USP32: variants seen among roughly 807,000 people sequenced by gnomAD.
USP32 encodes ubiquitin specific peptidase 32.
In USP32, 59 loss-of-function variants were observed where a neutral mutation model predicts 204.8. That is an observed-to-expected ratio of 0.29 (90% CI 0.23 to 0.36). The LOEUF (loss-of-function observed/expected upper bound fraction) is 0.36, where lower values mean the gene tolerates loss of function less well. Among genes scored for constraint, USP32 ranks in the 10% least tolerant of loss-of-function variants. The probability of loss-of-function intolerance (pLI) is 1.00; values close to 1 mark genes in which losing one functional copy is unlikely to be tolerated. For synonymous variants in USP32, 517 were observed against 678.4 expected, an observed-to-expected ratio of 0.76 and a Z score of 3.70; for missense variants, 1,160 against 1,946.4, an observed-to-expected ratio of 0.60 and a Z score of 7.60.
At chr17:60,369,613 T>A (rs1021959979) in intron 1 of USP32, among the ~76,000 whole-genome samples, 1 of 152,080 alleles carries the variant, frequency 6.6e-6, no homozygotes, top group African/African-American at 2.4e-5. Flanking sequence ...ATCTGACATA[T>A]ACAAAATTTT....
At chr17:60,356,903 AC>A (rs1403813756) in intron 1 of USP32, among the ~76,000 whole-genome samples, 2 of 152,306 alleles carry the variant, frequency 1.3e-5, no homozygotes, top group Admixed American at 6.5e-5. Flanking sequence ...AGAAAAAAAA[AC>A]ATGCCTAATG....
intron 9 of USP32, among the ~76,000 whole-genome samples, chr17:60,261,711 G>A (rs558225700): frequency 6.6e-6 from 1 of 152,158 alleles, no homozygotes; most frequent in East Asian, 1.9e-4. Context: ...AATTTGATAT[G>A]TGTGATAAAT....
chr17:60,234,253 A>G (rs1401589844), intron 12 of USP32, among the ~76,000 whole-genome samples: 1 of 151,102 alleles, frequency 6.6e-6, no homozygotes, highest in East Asian at 2.0e-4. Context: ...AGCTGGGACC[A>G]TAGGCGCCTG....
At chr17:60,352,952 T>C (rs1408240967) in intron 1 of USP32, among the ~76,000 whole-genome samples, 2 of 152,208 alleles carry the variant, frequency 1.3e-5, no homozygotes, top group African/African-American at 2.4e-5. Context: ...TGTCTGCCTG[T>C]TTCTAAGATA....
At chr17:60,233,214 C>T (rs1392974409) in intron 12 of USP32, among the ~76,000 whole-genome samples, 1 of 152,148 alleles carries the variant, frequency 6.6e-6, no homozygotes, top group African/African-American at 2.4e-5. Context: ...GCCTGTAATC[C>T]TAGCACTCTG....
intron 2 of USP32, among the ~76,000 whole-genome samples, chr17:60,306,377 C>A (rs1019105105): frequency 4.6e-5 from 7 of 152,160 alleles, no homozygotes; most frequent in Non-Finnish European, 1.0e-4. Context: ...GTGGCTCATG[C>A]CTGTAATCCC....
intron 30 of USP32, among the ~76,000 whole-genome samples, chr17:60,185,249 C>T (rs1263896670): frequency 6.6e-6 from 1 of 152,208 alleles, no homozygotes; most frequent in Non-Finnish European, 1.5e-5. Context: ...GATTGATCTT[C>T]TAGGTTATAA....
At chr17:60,360,487 C>T (rs185676381) in intron 1 of USP32, among the ~76,000 whole-genome samples, 108 of 151,748 alleles carry the variant, frequency 7.1e-4, no homozygotes, top group African/African-American at 2.5e-3. Flanking sequence ...GGAGAAACCC[C>T]GTATCTACTA....
chr17:60,408,799 C>CT (rs1489251973), intron 1 of USP32, among the ~76,000 whole-genome samples: 1 of 152,034 alleles, frequency 6.6e-6, no homozygotes, highest in Non-Finnish European at 1.5e-5. Flanking sequence ...TAGGGGGAAT[C>CT]TAAGTGCTCA....
chr17:60,308,318 C>T (rs938413116), intron 2 of USP32, among the ~76,000 whole-genome samples: 2 of 152,136 alleles, frequency 1.3e-5, no homozygotes, highest in Non-Finnish European at 2.9e-5. Context: ...AACAGTCACC[C>T]CTAGATGCTG....
intron 2 of USP32, among the ~76,000 whole-genome samples, chr17:60,308,820 C>A (rs1287584755): frequency 1.3e-5 from 2 of 152,098 alleles, no homozygotes; most frequent in African/African-American, 2.4e-5. Context: ...CCCAGCTACT[C>A]AGGAGGCTGA....
intron 30 of USP32, 104 bp from the exon 31 acceptor site, chr17:60,183,557 A>C: frequency 7.1e-7 from 1 of 1,413,866 alleles, no homozygotes; most frequent in Non-Finnish European, 9.6e-7. Context: ...GGGAATATAT[A>C]ACAGAACATT....
In USP32 at chr17:60,284,776, C is replaced by G. The variant is rs2087067390; in HGVS notation, c.571+3747G>C. On this transcript the variant is annotated intron_variant, in intron 5 of 33. Transcript: ENST00000300896. ...TTTTTAGGTTCCTCTAAGCTCACTT[C>G]TACTAAGTTTCATTCTTGGTTCCCT... Among the ~76,000 whole-genome samples, 7 of 152,178 alleles carry G rather than the reference C, an allele frequency of 4.6e-5. No individual in the cohort carries two copies. In the South Asian group the frequency reaches 1.4e-3, roughly 31 times the overall value.
chr17:60,369,794 G>C (rs998437222), intron 1 of USP32, among the ~76,000 whole-genome samples: 3 of 151,574 alleles, frequency 2.0e-5, no homozygotes, highest in African/African-American at 7.3e-5. Context: ...CCAGGCTGGA[G>C]TGCAGTAATC....
chr17:60,294,823 T>C, intron 3 of USP32, 22 bp from the exon 4 acceptor site: 1 of 1,519,428 alleles, frequency 6.6e-7, no homozygotes, highest in East Asian at 2.3e-5. Context: ...AAAGATAGAA[T>C]AAATTAATCT....
chr17:60,212,752 T>C (rs28477674), intron 18 of USP32, among the ~76,000 whole-genome samples: 9,143 of 150,288 alleles, frequency 0.061, 944 homozygotes, highest in African/African-American at 0.22. Flanking sequence ...GTCAGAGTAA[T>C]TTATTCCTTT....
chr17:60,355,860 A>AG (rs893731043), intron 1 of USP32, among the ~76,000 whole-genome samples: 2 of 149,652 alleles, frequency 1.3e-5, no homozygotes, highest in African/African-American at 5.0e-5. Flanking sequence ...AGAGAAAGAA[A>AG]AAAAAAAAAG....
At chr17:60,322,663 A>C (rs2088142140) in intron 2 of USP32, among the ~76,000 whole-genome samples, 2 of 152,184 alleles carry the variant, frequency 1.3e-5, no homozygotes, top group South Asian at 4.1e-4. Context: ...CTAGACTTGG[A>C]GTTACATTTA....
At chr17:60,359,988 C>G (rs1316468430) in intron 1 of USP32, among the ~76,000 whole-genome samples, 2 of 151,896 alleles carry the variant, frequency 1.3e-5, no homozygotes, top group African/African-American at 4.8e-5. Context: ...CTGCCTCAGC[C>G]CCCCGAGTAG....
Sources: gnomAD v4.1 joint callset for allele counts (sites outside exome capture counted in the v4.1 genomes callset) on GRCh38, gnomAD v4.1.1 for gene constraint, MANE v1.5 for transcripts, NCBI Gene and HGNC (gene_info 2026-07-23, HGNC 2026-07-21) for gene names.